NTM: variants seen among roughly 807,000 people sequenced by gnomAD.
The protein encoded by NTM is IgLON family member 2.
Under a neutral mutation model 42.1 loss-of-function variants are expected in NTM, and 13 were observed. The observed-to-expected ratio is 0.31, with a 90% CI of 0.20 to 0.49. The LOEUF is 0.49. Ranked by LOEUF, NTM falls within the 20% of genes least tolerant of loss-of-function variation. The pLI is 0.99. For missense variants in NTM, 373 were observed against 452.8 expected, an observed-to-expected ratio of 0.82 and a Z score of 1.60; for synonymous variants, 187 against 179.2, an observed-to-expected ratio of 1.04 and a Z score of -0.35.
chr11:131,608,888 T>A (rs551325299), intron 1 of NTM, among the ~76,000 whole-genome samples: 1 of 152,230 alleles, frequency 6.6e-6, no homozygotes, highest in Non-Finnish European at 1.5e-5. Context: ...GATGGAGTCA[T>A]GATGAAATAT....
At chr11:131,758,554 T>G (rs1462519235) in intron 1 of NTM, among the ~76,000 whole-genome samples, 1 of 151,930 alleles carries the variant, frequency 6.6e-6, no homozygotes, top group Non-Finnish European at 1.5e-5. Flanking sequence ...TCTTTCTTTC[T>G]TCTTTCTTTC....
intron 2 of NTM, among the ~76,000 whole-genome samples, chr11:132,128,437 G>T (rs1273527998): frequency 6.6e-6 from 1 of 152,136 alleles, no homozygotes; most frequent in Non-Finnish European, 1.5e-5. Context: ...TAGAGAGCAG[G>T]ACATCAGATG....
At chr11:132,250,750 T>C (rs908957597) in intron 4 of NTM, among the ~76,000 whole-genome samples, 2 of 152,218 alleles carry the variant, frequency 1.3e-5, no homozygotes, top group South Asian at 2.1e-4. Context: ...TTACCTTTAA[T>C]AGGTTTATTT....
intron 1 of NTM, among the ~76,000 whole-genome samples, chr11:131,638,549 C>A (rs2064715873): frequency 8.3e-6 from 1 of 120,446 alleles, no homozygotes; most frequent in South Asian, 2.6e-4. Context: ...CTAGGTGACA[C>A]AGCGAGACTC....
chr11:131,427,824 T>G (rs1464305214), intron 1 of NTM, among the ~76,000 whole-genome samples: 1 of 152,244 alleles, frequency 6.6e-6, no homozygotes, highest in Non-Finnish European at 1.5e-5. Flanking sequence ...TGAAGTGCTT[T>G]GCAATCTTGA....
At chr11:132,095,099 C>T (rs923331445) in intron 2 of NTM, among the ~76,000 whole-genome samples, 6 of 152,146 alleles carry the variant, frequency 3.9e-5, no homozygotes, top group Non-Finnish European at 7.3e-5. Flanking sequence ...GCCTGCTCGG[C>T]GCTCCCCTCT....
intron 4 of NTM, among the ~76,000 whole-genome samples, chr11:132,212,910 C>T (rs995766515): frequency 1.2e-4 from 18 of 151,384 alleles, no homozygotes; most frequent in African/African-American, 3.2e-4. Flanking sequence ...TAAGCCAAAG[C>T]GGTGAAGTTT....
At chr11:132,334,292 T>C (rs1011853243) in intron 8 of NTM, among the ~76,000 whole-genome samples, 1 of 152,198 alleles carries the variant, frequency 6.6e-6, no homozygotes, top group African/African-American at 2.4e-5. Context: ...TCCATCTCCA[T>C]ACACTGGGGC....
chr11:131,830,514 C>G (rs1335778981), intron 1 of NTM, among the ~76,000 whole-genome samples: 1 of 152,102 alleles, frequency 6.6e-6, no homozygotes, highest in African/African-American at 2.4e-5. Context: ...CTATTCTGTT[C>G]CATTGGTCTA....
intron 2 of NTM, among the ~76,000 whole-genome samples, chr11:131,990,590 G>A (rs1593463833): frequency 6.6e-6 from 1 of 152,012 alleles, no homozygotes; most frequent in African/African-American, 2.4e-5. Flanking sequence ...TTAACAAAAT[G>A]TTCCTATAGA....
chr11:131,428,623 G>GA lies in NTM; in HGVS notation c.82+57738dup, dbSNP rs201589654. 7.4e-3 allele frequency among the ~76,000 whole-genome samples: 1,132 copies of GA among 152,210 alleles called. 12 individuals carry two copies. The highest frequency in any genetic ancestry group is 0.025 in the African/African-American group (1,050 of 41,504). ...TCTGTCTTCATCCCCTAGACTTGAG[G>GA]AAAGAACAGGAAGAAATTAATACTT... On this transcript the variant is annotated intron_variant, in intron 1 of 8. Transcript: ENST00000683400.
At chr11:131,789,818 T>A (rs536541417) in intron 1 of NTM, among the ~76,000 whole-genome samples, 4 of 150,380 alleles carry the variant, frequency 2.7e-5, no homozygotes, top group South Asian at 2.1e-4. Context: ...TAGCCGGGTG[T>A]GGTGGCGGGA....
chr11:132,309,627 G>C (rs1479376944), intron 5 of NTM, among the ~76,000 whole-genome samples: 2 of 152,174 alleles, frequency 1.3e-5, no homozygotes, highest in African/African-American at 4.8e-5. Context: ...ATGAAAGGAA[G>C]ACCCAGCTTT....
intron 2 of NTM, among the ~76,000 whole-genome samples, chr11:132,132,892 C>T (rs191018202): frequency 9.2e-5 from 14 of 152,276 alleles, no homozygotes; most frequent in African/African-American, 1.7e-4. Flanking sequence ...GAATGCATGG[C>T]GGCTTCCAGA....
In NTM at chr11:132,263,598, C is replaced by CTT. The variant is rs199633542; in HGVS notation, c.527-44083_527-44082dup. 2.5e-3 allele frequency among the ~76,000 whole-genome samples: 383 copies of CTT among 151,346 alleles called. 4 individuals are homozygous for CTT. The East Asian group carries it at 0.029, about 11-fold the overall frequency. On this transcript the variant is annotated intron_variant, in intron 4 of 8. Transcript: ENST00000683400. ...TTTCCAGATCTTTACGTTCTGGTTCCTTTTTTTTTCCTGAACAATTCCATC... is the reference window on the plus strand; with the variant it reads ...TTTCCAGATCTTTACGTTCTGGTTCCTTTTTTTTTTTCCTGAACAATTCCATC...
intron 2 of NTM, among the ~76,000 whole-genome samples, chr11:132,064,162 CTT>C (rs2081095971): frequency 2.0e-5 from 3 of 152,094 alleles, no homozygotes; most frequent in South Asian, 2.1e-4. Context: ...AAGAGTGAGT[CTT>C]TTGTGGGTTG....
At chr11:132,292,004 G>T (rs2094463503) in intron 4 of NTM, among the ~76,000 whole-genome samples, 1 of 152,150 alleles carries the variant, frequency 6.6e-6, no homozygotes, top group African/African-American at 2.4e-5. Context: ...GGAGCCTGGG[G>T]TCAGTGGAAA....
intron 4 of NTM, among the ~76,000 whole-genome samples, chr11:132,304,412 CT>C (rs11443879): frequency 0.011 from 1,581 of 145,642 alleles, 23 homozygotes; most frequent in African/African-American, 0.032. Context: ...ACTATGCTTG[CT>C]TTTTTTTTTT....
At chr11:131,962,870 G>A (rs746414193) in intron 2 of NTM, among the ~76,000 whole-genome samples, 5 of 152,106 alleles carry the variant, frequency 3.3e-5, no homozygotes, top group African/African-American at 4.8e-5. Flanking sequence ...TCAGCAGCTC[G>A]TTTTATTCCT....
Sources: gnomAD v4.1 joint callset for allele counts (sites outside exome capture counted in the v4.1 genomes callset) on GRCh38, gnomAD v4.1.1 for gene constraint, MANE v1.5 for transcripts, NCBI Gene and HGNC (gene_info 2026-07-23, HGNC 2026-07-21) for gene names.